Variants in CFAP20DC observed in about 807,000 individuals in gnomAD.
The protein encoded by CFAP20DC is protein CFAP20DC.
A neutral mutation model predicts 101.7 loss-of-function variants in CFAP20DC; 84 were observed. That is an observed-to-expected ratio of 0.83 (90% CI 0.69 to 0.99). The LOEUF is 0.99. CFAP20DC is among the 50% of genes least tolerant of loss of function. The pLI is 0.00. For missense variants in CFAP20DC, 1,007 were observed against 970.3 expected, an observed-to-expected ratio of 1.04 and a Z score of -0.50; for synonymous variants, 359 against 351.2, an observed-to-expected ratio of 1.02 and a Z score of -0.25.
intron 4 of CFAP20DC, among the ~76,000 whole-genome samples, chr3:58,975,548 C>T (rs2092229604): frequency 6.6e-6 from 1 of 152,090 alleles, no homozygotes; most frequent in African/African-American, 2.4e-5. Context: ...ACAGCATAAT[C>T]TTAGCTTAAA....
rs547720208 is a variant in CFAP20DC at position 58,936,842 on chromosome 3, G to A, written c.393+806C>T. 6.6e-5 allele frequency among the ~76,000 whole-genome samples: 10 copies of A among 151,968 alleles called. No homozygotes were observed. The South Asian group carries it at 2.1e-3, about 32-fold the overall frequency. ...AATGCTAAATGACGAGTTACTGGGT[G>A]CAGCACACCAGCATGGCACATGTAT... On this transcript the variant is annotated intron_variant, in intron 5 of 16. Coordinates refer to ENST00000482387, the MANE Select transcript of CFAP20DC (RefSeq NM_001394063.1).
At position 58,869,109 on chromosome 3, in the gene CFAP20DC, T is replaced by A. The variant is rs2079927630; in HGVS notation, c.1015+219A>T. On this transcript the variant is annotated intron_variant, in intron 9 of 16. Transcript: ENST00000482387. This position sits in a 1 kb window ranked among gnomAD's most constrained non-coding sequence, Gnocchi z 4.3. ...TTGCCATAAAATAAAACACAGGGTA[T>A]TATAGCAATTTGAAATAATGGAGAA... Among the ~76,000 whole-genome samples, 1 of 152,144 alleles carries A rather than the reference T, an allele frequency of 6.6e-6. No homozygotes were observed. The highest frequency in any genetic ancestry group is 1.5e-5 in the Non-Finnish European group (1 of 68,010).
chr3:58,765,419 T>C (rs1308266525), intron 15 of CFAP20DC, among the ~76,000 whole-genome samples: 2 of 148,072 alleles, frequency 1.4e-5, no homozygotes, highest in African/African-American at 2.5e-5. Context: ...GATAAATTAT[T>C]CTTGGTTCCT....
At chr3:58,919,739 C>T (rs1160535857) in intron 5 of CFAP20DC, among the ~76,000 whole-genome samples, 3 of 152,132 alleles carry the variant, frequency 2.0e-5, no homozygotes, top group Non-Finnish European at 2.9e-5. Context: ...TGAATTTATT[C>T]ATGAGTATTC....
chr3:58,928,883 T>C (rs1671437855), intron 5 of CFAP20DC, among the ~76,000 whole-genome samples: 1 of 152,192 alleles, frequency 6.6e-6, no homozygotes, highest in Non-Finnish European at 1.5e-5. Flanking sequence ...TCACTAATTT[T>C]TTAACAGCCA....
chr3:58,760,169 T>C (rs939523542), intron 15 of CFAP20DC, among the ~76,000 whole-genome samples: 3 of 152,242 alleles, frequency 2.0e-5, no homozygotes, highest in African/African-American at 7.2e-5. Flanking sequence ...CCCATGAGCA[T>C]GCAATGTTCT....
At chr3:58,862,571 T>C (rs1359905493) in intron 12 of CFAP20DC, 4 of 985,292 alleles carry the variant, frequency 4.1e-6, no homozygotes, top group Non-Finnish European at 3.6e-6. Context: ...AAACCCAGAA[T>C]TACTGCTTAA....
At chr3:58,857,596 G>A (rs546113491) in intron 12 of CFAP20DC, among the ~76,000 whole-genome samples, 4 of 152,194 alleles carry the variant, frequency 2.6e-5, no homozygotes, top group African/African-American at 9.6e-5. Flanking sequence ...ATAAATAACT[G>A]GAGAATCTGG....
intron 4 of CFAP20DC, among the ~76,000 whole-genome samples, chr3:58,957,877 T>A (rs141286499): frequency 6.6e-6 from 1 of 152,154 alleles, no homozygotes; most frequent in East Asian, 1.9e-4. Flanking sequence ...GGTGAGGACA[T>A]GGGAATGGTT....
At chr3:58,990,279 T>C (rs760820483) in intron 4 of CFAP20DC, among the ~76,000 whole-genome samples, 1 of 152,210 alleles carries the variant, frequency 6.6e-6, no homozygotes, top group Non-Finnish European at 1.5e-5. Context: ...GCTTCTGCTA[T>C]GAAGATGTAA....
intron 12 of CFAP20DC, among the ~76,000 whole-genome samples, chr3:58,854,239 C>T (rs2078541696): frequency 6.6e-6 from 1 of 151,490 alleles, no homozygotes. Context: ...TTCACAATTG[C>T]TTCAAAGAGA....
chr3:58,979,150 G>A (rs6802978), intron 4 of CFAP20DC, among the ~76,000 whole-genome samples: 1 of 152,066 alleles, frequency 6.6e-6, no homozygotes, highest in Non-Finnish European at 1.5e-5. Context: ...CACAAAACCT[G>A]GCCTGCAAGT....
At chr3:58,811,085 C>T (rs1487891860) in intron 14 of CFAP20DC, among the ~76,000 whole-genome samples, 14 of 152,262 alleles carry the variant, frequency 9.2e-5, no homozygotes, top group Middle Eastern at 3.4e-3. Context: ...ACATTCCATG[C>T]TCATGGGTAG....
In CFAP20DC at chr3:58,869,260, T is replaced by C. The variant is rs2079938332; in HGVS notation, c.1015+68A>G. 4.7e-6 allele frequency: 6 copies of C among 1,285,476 alleles called. No individual in the cohort carries two copies. The South Asian group carries it at 7.9e-5, about 17-fold the overall frequency. The allele number at this position is 1,285,476 out of a possible 1,614,324, so 79.6% of individuals were successfully genotyped here. Reference sequence around the variant, plus strand: ...TCTAGACTTGAATATAACTGCTGATTTATCTTAACAAGAACATTTCTCACT... The same window carrying C: ...TCTAGACTTGAATATAACTGCTGATCTATCTTAACAAGAACATTTCTCACT... On this transcript the variant is annotated intron_variant, in intron 9 of 16. Coordinates refer to ENST00000482387, the MANE Select transcript of CFAP20DC (RefSeq NM_001394063.1). The surrounding 1 kb of genome is among the most constrained non-coding windows in gnomAD (Gnocchi z 4.3).
Position 58,722,848 on chromosome 3 carries a change from A to G in CFAP20DC, c.198-5220T>C, listed in dbSNP as rs2067491618. On this transcript the variant is annotated intron_variant, in intron 3 of 3. Coordinates refer to the CFAP20DC transcript ENST00000486145. This position sits in a 1 kb window ranked among gnomAD's most constrained non-coding sequence, Gnocchi z 4.5. The stretch of plus-strand genomic sequence containing the variant: ...CAGCAGAATATAGCAGCTGCCTCCC[A>G]GCAGAACTGTCTGTGGTGGAAATAC... Among the ~76,000 whole-genome samples, 1 of 152,228 alleles carries G rather than the reference A, an allele frequency of 6.6e-6. No homozygotes were observed. Among genetic ancestry groups the G allele is most frequent in the Non-Finnish European group, 1.5e-5 (1 of 68,040 alleles).
intron 15 of CFAP20DC, among the ~76,000 whole-genome samples, chr3:58,798,926 C>T (rs908865023): frequency 1.3e-5 from 2 of 152,102 alleles, no homozygotes; most frequent in African/African-American, 4.8e-5. Flanking sequence ...AGGCATAATG[C>T]TATTGTACAC....
intron 4 of CFAP20DC, among the ~76,000 whole-genome samples, chr3:58,967,786 T>C (rs1381298929): frequency 6.6e-6 from 1 of 152,192 alleles, no homozygotes; most frequent in Admixed American, 6.5e-5. Context: ...GGGGGTTTGT[T>C]GTACAGATTA....
intron 3 of CFAP20DC, chr3:58,726,783 C>A (rs1308170782): frequency 4.1e-6 from 1 of 242,088 alleles, no homozygotes; most frequent in Non-Finnish European, 8.3e-6. Flanking sequence ...CTGACACCAT[C>A]AGAAGAGACA....
At chr3:58,734,593 C>A (rs1175795284) in intron 3 of CFAP20DC, 2 of 456,590 alleles carry the variant, frequency 4.4e-6, no homozygotes, top group Admixed American at 4.7e-5. Flanking sequence ...AACTCAGTCT[C>A]ACTTCACAAA....
Sources: allele counts gnomAD v4.1 joint callset (sites outside exome capture counted in the v4.1 genomes callset), GRCh38; gene constraint gnomAD v4.1.1; non-coding constraint Gnocchi (gnomAD v3.1); transcripts MANE v1.5; gene names NCBI Gene and HGNC (gene_info 2026-07-23, HGNC 2026-07-21).